The following SHISA9 variants were observed in gnomAD, a reference collection of about 807,000 sequenced individuals.
SHISA9 encodes shisa family member 9.
In SHISA9, 13 loss-of-function variants were observed where a neutral mutation model predicts 38.0. That is an observed-to-expected ratio of 0.34 (90% CI 0.22 to 0.54). The LOEUF (loss-of-function observed/expected upper bound fraction) is 0.54, where lower values mean the gene tolerates loss of function less well. Ranked by LOEUF, SHISA9 falls within the 20% of genes least tolerant of loss-of-function variation. SHISA9 has a pLI of 0.91. For synonymous variants in SHISA9, 275 were observed against 242.0 expected (o/e 1.14, Z -1.27); for missense variants, 538 against 575.8 (o/e 0.93, Z 0.67).
intron 2 of SHISA9, among the ~76,000 whole-genome samples, chr16:12,937,655 A>G (rs1319956374): frequency 6.6e-6 from 1 of 152,200 alleles, no homozygotes; most frequent in Non-Finnish European, 1.5e-5. Flanking sequence ...CACATGGTGG[A>G]AAGAGAGAGA....
At chr16:13,550,194 A>G in the SHISA9 span, among the ~76,000 whole-genome samples, 2 of 152,062 alleles carry the variant, frequency 1.3e-5, no homozygotes, top group African/African-American at 4.8e-5. Context: ...GCTGGACTAG[A>G]TGGGATGAGG....
At chr16:12,972,001 G>A (rs2072089571) in intron 2 of SHISA9, among the ~76,000 whole-genome samples, 1 of 148,746 alleles carries the variant, frequency 6.7e-6, no homozygotes, top group African/African-American at 2.5e-5. Flanking sequence ...TGGGGATATG[G>A]TTATAAGTAA....
At chr16:13,251,806 C>T in the SHISA9 span, among the ~76,000 whole-genome samples, 1 of 152,198 alleles carries the variant, frequency 6.6e-6, no homozygotes, top group Non-Finnish European at 1.5e-5. Context: ...AAAGAGGGCT[C>T]TGTTGATGAA....
chr16:13,456,729 C>T, the SHISA9 span, among the ~76,000 whole-genome samples: 1 of 152,218 alleles, frequency 6.6e-6, no homozygotes, highest in Non-Finnish European at 1.5e-5. Flanking sequence ...ATGATCAGCG[C>T]CATGTTGTCA....
At chr16:13,005,553 T>C (rs1032082013) in intron 2 of SHISA9, among the ~76,000 whole-genome samples, 6 of 152,190 alleles carry the variant, frequency 3.9e-5, no homozygotes, top group African/African-American at 1.4e-4. Context: ...TTCCTTTTGC[T>C]TCTAGAAAGC....
chr16:12,980,823 T>G (rs2072230968), intron 2 of SHISA9, among the ~76,000 whole-genome samples: 1 of 152,140 alleles, frequency 6.6e-6, no homozygotes, highest in Admixed American at 6.6e-5. Context: ...TTTAGCTGTA[T>G]CCATTTTGTG....
rs1003855688 is a variant in SHISA9 at position 12,908,465 on chromosome 16, C to A, written c.563+5838C>A. On this transcript the variant is annotated intron_variant, in intron 1 of 4. Coordinates refer to ENST00000558583, the MANE Select transcript of SHISA9 (RefSeq NM_001145204.3). Reference sequence around the variant, plus strand: ...AATTCTCGTTTAATTTCATACCCTTCCCCCATGAGGTAGGCTCTATGACAA... The same window carrying A: ...AATTCTCGTTTAATTTCATACCCTTACCCCATGAGGTAGGCTCTATGACAA... 4 of 1,551,894 alleles carry A rather than the reference C, an allele frequency of 2.6e-6. No individual in the cohort carries two copies. The South Asian group carries it at 4.8e-5, about 18-fold the overall frequency.
At chr16:13,015,930 CTT>C in intron 2 of SHISA9, among the ~76,000 whole-genome samples, 1 of 76,900 alleles carries the variant, frequency 1.3e-5, no homozygotes, top group Non-Finnish European at 3.4e-5. Context: ...TCCTTCCTTC[CTT>C]CTTTCCTTCC....
At chr16:13,373,574 A>C in the SHISA9 span, among the ~76,000 whole-genome samples, 1 of 152,170 alleles carries the variant, frequency 6.6e-6, no homozygotes, top group Non-Finnish European at 1.5e-5. Context: ...CATCCTGGCT[A>C]ACATGGTGAA....
intron 2 of SHISA9, among the ~76,000 whole-genome samples, chr16:13,183,973 G>A (rs2050798500): frequency 6.6e-6 from 1 of 152,016 alleles, no homozygotes; most frequent in South Asian, 2.1e-4. Flanking sequence ...TCTTATTACT[G>A]GCAGTTTCTT....
At chr16:13,218,999 C>T (rs2051197442) in intron 4 of SHISA9, among the ~76,000 whole-genome samples, 1 of 152,136 alleles carries the variant, frequency 6.6e-6, no homozygotes, top group Non-Finnish European at 1.5e-5. Context: ...AGGTGGAAGA[C>T]AGGAGGGTGA....
intron 2 of SHISA9, among the ~76,000 whole-genome samples, chr16:13,097,422 A>ATT (rs11318129): frequency 7.9e-4 from 115 of 145,490 alleles, no homozygotes; most frequent in African/African-American, 2.8e-3. Context: ...TCTGATCAGT[A>ATT]TTTTTTTTTT....
At chr16:13,371,887 C>T in the SHISA9 span, among the ~76,000 whole-genome samples, 2 of 152,234 alleles carry the variant, frequency 1.3e-5, no homozygotes, top group African/African-American at 4.8e-5. Context: ...ATAATCAAGA[C>T]CAGGATTCCA....
intron 2 of SHISA9, among the ~76,000 whole-genome samples, chr16:13,021,085 T>C (rs2072847053): frequency 6.6e-6 from 1 of 152,206 alleles, no homozygotes; most frequent in Non-Finnish European, 1.5e-5. Context: ...TATTCAACTT[T>C]ATGGACGGCA....
chr16:13,295,099 C>A, the SHISA9 span, among the ~76,000 whole-genome samples: 1 of 152,152 alleles, frequency 6.6e-6, no homozygotes, highest in Non-Finnish European at 1.5e-5. Context: ...AACCAGGGAA[C>A]CTGGCTCTAG....
the SHISA9 span, among the ~76,000 whole-genome samples, chr16:13,405,892 G>A: frequency 2.0e-5 from 3 of 148,086 alleles, no homozygotes; most frequent in East Asian, 5.9e-4. Flanking sequence ...CATCTAGATT[G>A]ATTCCATGTC....
chr16:12,979,328 C>T (rs1396051967), intron 2 of SHISA9, among the ~76,000 whole-genome samples: 1 of 151,106 alleles, frequency 6.6e-6, no homozygotes, highest in Non-Finnish European at 1.5e-5. Flanking sequence ...ACCTTAGGGA[C>T]ACAAAACTGG....
chr16:13,242,287 A>C (rs1485880036), downstream of SHISA9, among the ~76,000 whole-genome samples: 4 of 152,200 alleles, frequency 2.6e-5, no homozygotes, highest in African/African-American at 9.6e-5. Context: ...CTTGATAAAA[A>C]TGCTGATTCC....
intron 2 of SHISA9, among the ~76,000 whole-genome samples, chr16:13,135,468 CAA>C (rs756148707): frequency 1.3e-5 from 2 of 152,194 alleles, no homozygotes; most frequent in Non-Finnish European, 2.9e-5. Flanking sequence ...GGCATATATA[CAA>C]AGTTTGGCCC....
Sources: allele counts gnomAD v4.1 joint callset (sites outside exome capture counted in the v4.1 genomes callset), GRCh38; gene constraint gnomAD v4.1.1; transcripts MANE v1.5; gene names NCBI Gene and HGNC (gene_info 2026-07-23, HGNC 2026-07-21).